The following LHFPL6 variants were observed in gnomAD, a reference collection of about 807,000 sequenced individuals.
The protein encoded by LHFPL6 is LHFPL tetraspan subfamily member 6 protein.
In LHFPL6, 9 loss-of-function variants were observed where a neutral mutation model predicts 20.6. The observed-to-expected ratio is 0.44, with a 90% CI of 0.26 to 0.76. The LOEUF is 0.76. LHFPL6 is among the 30% of genes least tolerant of loss of function. LHFPL6 has a pLI of 0.20. For missense variants in LHFPL6, 218 were observed against 253.5 expected (o/e 0.86, Z 0.95); for synonymous variants, 105 against 98.7 (o/e 1.06, Z -0.38).
chr13:39,365,463 A>G (rs1869987739), intron 3 of LHFPL6, among the ~76,000 whole-genome samples: 1 of 152,092 alleles, frequency 6.6e-6, no homozygotes, highest in Non-Finnish European at 1.5e-5. Context: ...TTGCTTGTAC[A>G]GTAGCTCTTG....
chr13:39,494,236 T>C (rs1869025104), intron 2 of LHFPL6, among the ~76,000 whole-genome samples: 1 of 152,238 alleles, frequency 6.6e-6, no homozygotes, highest in African/African-American at 2.4e-5. Context: ...ATGCCATCAT[T>C]ACATTTGCAG....
At chr13:39,554,888 C>CA (rs1205338923) in intron 2 of LHFPL6, among the ~76,000 whole-genome samples, 3 of 152,148 alleles carry the variant, frequency 2.0e-5, no homozygotes, top group Non-Finnish European at 4.4e-5. Flanking sequence ...GACAGCATGG[C>CA]ATATGAACCT....
intron 2 of LHFPL6, among the ~76,000 whole-genome samples, chr13:39,533,885 G>A (rs367689049): frequency 1.2e-4 from 18 of 152,156 alleles, no homozygotes; most frequent in East Asian, 9.6e-4. Flanking sequence ...TTGAATGGTG[G>A]GTGGGGGGTG....
chr13:39,473,743 A>G, intron 2 of LHFPL6, among the ~76,000 whole-genome samples: 1 of 152,206 alleles, frequency 6.6e-6, no homozygotes, highest in East Asian at 1.9e-4. Context: ...ACAGGGTCTC[A>G]CAGAGACAAA....
intron 2 of LHFPL6, among the ~76,000 whole-genome samples, chr13:39,490,655 A>C (rs1473420858): frequency 6.6e-6 from 1 of 152,242 alleles, no homozygotes. Flanking sequence ...TGCCACTATG[A>C]CATGTGAACT....
At chr13:39,415,680 A>T (rs1385987888) in intron 2 of LHFPL6, among the ~76,000 whole-genome samples, 1 of 152,300 alleles carries the variant, frequency 6.6e-6, no homozygotes, top group East Asian at 1.9e-4. Context: ...TGTCTGGCTC[A>T]TAGTTTTGCA....
chr13:39,563,091 A>AT (rs1871594673), intron 2 of LHFPL6, among the ~76,000 whole-genome samples: 1 of 135,772 alleles, frequency 7.4e-6, no homozygotes, highest in Non-Finnish European at 1.6e-5. Flanking sequence ...CAATACTAGA[A>AT]ACACACACAC....
At chr13:39,345,442 G>A (rs1372773847) in intron 3 of LHFPL6, among the ~76,000 whole-genome samples, 1 of 145,886 alleles carries the variant, frequency 6.9e-6, no homozygotes, top group Non-Finnish European at 1.5e-5. Context: ...GAACCCAGAA[G>A]GTGGAGGTTG....
chr13:39,477,127 A>T, intron 2 of LHFPL6, among the ~76,000 whole-genome samples: 1 of 151,680 alleles, frequency 6.6e-6, no homozygotes, highest in East Asian at 1.9e-4. Context: ...ACCCTCCCCC[A>T]TCTCTAGTGA....
chr13:39,543,060 T>A (rs181504318), intron 2 of LHFPL6, among the ~76,000 whole-genome samples: 2 of 152,224 alleles, frequency 1.3e-5, no homozygotes, highest in African/African-American at 2.4e-5. Flanking sequence ...TTCTCCTTTC[T>A]GTCTCTATGA....
intron 2 of LHFPL6, among the ~76,000 whole-genome samples, chr13:39,482,703 G>C (rs1352354605): frequency 6.6e-6 from 1 of 152,192 alleles, no homozygotes; most frequent in East Asian, 1.9e-4. Flanking sequence ...TTAGGAGAAT[G>C]ATGAGAAGGA....
chr13:39,415,190 C>G (rs1871318754), intron 2 of LHFPL6, among the ~76,000 whole-genome samples: 1 of 152,118 alleles, frequency 6.6e-6, no homozygotes, highest in Non-Finnish European at 1.5e-5. Context: ...CATGACTGAG[C>G]TGGTGGGATC....
At chr13:39,561,026 G>A (rs1293310885) in intron 2 of LHFPL6, among the ~76,000 whole-genome samples, 1 of 151,878 alleles carries the variant, frequency 6.6e-6, no homozygotes, top group Non-Finnish European at 1.5e-5. Context: ...ACCTTCCTCT[G>A]CATTCTTCAC....
intron 2 of LHFPL6, among the ~76,000 whole-genome samples, chr13:39,538,046 AG>A (rs374417633): frequency 1.1e-3 from 161 of 147,010 alleles, no homozygotes; most frequent in African/African-American, 3.9e-3. Context: ...GCTGGAGTGC[AG>A]TGGCGGGATC....
At chr13:39,423,659 A>G (rs901970278) in intron 2 of LHFPL6, among the ~76,000 whole-genome samples, 1 of 152,176 alleles carries the variant, frequency 6.6e-6, no homozygotes, top group African/African-American at 2.4e-5. Flanking sequence ...GAGGTGAGGA[A>G]AAGTGATCCC....
At chr13:39,380,761 G>A (rs1223239268) in intron 2 of LHFPL6, among the ~76,000 whole-genome samples, 1 of 152,044 alleles carries the variant, frequency 6.6e-6, no homozygotes, top group Non-Finnish European at 1.5e-5. Context: ...CTAAAGTCCT[G>A]GGATGACAGG....
rs1871287746 is a variant in LHFPL6, at chr13:39,555,818, A to G, written c.385+45014T>C. Among the ~76,000 whole-genome samples, 4 of 152,308 alleles carry G rather than the reference A, an allele frequency of 2.6e-5. No individual in the cohort carries two copies. The South Asian group carries it at 8.3e-4, about 32-fold the overall frequency. On this transcript the variant is annotated intron_variant, in intron 2 of 3. Coordinates refer to ENST00000379589, the MANE Select transcript of LHFPL6 (RefSeq NM_005780.3). ...TCCATCCATACATGATATGGTTTGGATATCTGTCCCCTCCAAATCTCATGT... is the reference window on the plus strand; with the variant it reads ...TCCATCCATACATGATATGGTTTGGGTATCTGTCCCCTCCAAATCTCATGT...
At chr13:39,532,212 T>C (rs753533053) in intron 2 of LHFPL6, among the ~76,000 whole-genome samples, 7 of 152,122 alleles carry the variant, frequency 4.6e-5, no homozygotes, top group Non-Finnish European at 7.3e-5. Context: ...AGAACAACAC[T>C]AATCCTACTC....
chr13:39,472,134 G>A (rs1872963862), intron 2 of LHFPL6, among the ~76,000 whole-genome samples: 1 of 152,058 alleles, frequency 6.6e-6, no homozygotes, highest in Non-Finnish European at 1.5e-5. Flanking sequence ...TGATCTCCCT[G>A]GTCCTAGACG....
Sources: allele counts gnomAD v4.1 joint callset (sites outside exome capture counted in the v4.1 genomes callset), GRCh38; gene constraint gnomAD v4.1.1; transcripts MANE v1.5; gene names NCBI Gene and HGNC (gene_info 2026-07-23, HGNC 2026-07-21).